NLGN2: variants seen among roughly 807,000 people sequenced by gnomAD.
NLGN2 encodes neuroligin-2.
Under a neutral mutation model 48.6 loss-of-function variants are expected in NLGN2, and 11 were observed. That is an observed-to-expected ratio of 0.23 (90% CI 0.14 to 0.37). The LOEUF (loss-of-function observed/expected upper bound fraction) is 0.37, where lower values mean the gene tolerates loss of function less well. NLGN2 is among the 10% of genes least tolerant of loss of function. NLGN2 has a pLI of 1.00. For synonymous variants in NLGN2, 548 were observed against 550.0 expected, an observed-to-expected ratio of 1.00 and a Z score of 0.05; for missense variants, 801 against 1,225.2, an observed-to-expected ratio of 0.65 and a Z score of 5.17.
chr17:7,406,203 T>C (rs180811443), upstream of NLGN2, among the ~76,000 whole-genome samples: 26 of 151,352 alleles, frequency 1.7e-4, no homozygotes, highest in Admixed American at 5.3e-4. Context: ...AGGCAAGAGC[T>C]GGGGCAAGCT....
Position 7,414,975 on chromosome 17 carries a change from C to T in NLGN2, c.864C>T (p.Ile288=), listed in dbSNP as rs781335217. The change falls in exon 5 of 7, where the codon ATC becomes ATT. Residue 288 remains isoleucine (I), a synonymous_variant. Transcript: ENST00000302926. Reference sequence around the variant, plus strand: ...CGCCAGGGCTGTTCCAGAAGGCCATCGCCCAGAGTGGCACCGCCATTTCCA... The same window carrying T: ...CGCCAGGGCTGTTCCAGAAGGCCATTGCCCAGAGTGGCACCGCCATTTCCA... The part of the protein sequence containing the change: ...HHSEGLFQKA[I]AQSGTAISSW... 13 of 1,612,288 alleles carry T rather than the reference C, an allele frequency of 8.1e-6. No homozygotes were observed. The highest frequency in any genetic ancestry group is 4.0e-5 in the African/African-American group (3 of 74,948).
rs1458668361 is a variant in NLGN2 at position 7,415,887 on chromosome 17, G to A, written c.1414G>A (p.Ala472Thr). The A allele has an allele frequency of 1.2e-6, 2 of 1,610,230 alleles. No homozygotes were observed. Among genetic ancestry groups the A allele is most frequent in the Non-Finnish European group, 1.7e-6 (2 of 1,177,264 alleles). Residue 472 changes from alanine (A) to threonine (T), a missense_variant, in exon 6 of 7, where the codon GCC (alanine) becomes ACC (threonine). Physicochemically the swap from Ala to Thr is moderately conservative, Grantham distance 58. Transcript: ENST00000302926. ...AGCTGTGGCCACTGCCAAGCTGCACGCCGACTACCAGTCTCCCGTCTACTT... is the reference window on the plus strand; with the variant it reads ...AGCTGTGGCCACTGCCAAGCTGCACACCGACTACCAGTCTCCCGTCTACTT... ...APAVATAKLH[A>T]DYQSPVYFYT...
At chr17:7,410,671 G>T (rs1255206303) in intron 1 of NLGN2, among the ~76,000 whole-genome samples, 1 of 152,052 alleles carries the variant, frequency 6.6e-6, no homozygotes, top group African/African-American at 2.4e-5. Flanking sequence ...CCACACAGTT[G>T]TCCACCCCTG....
rs374742468 is a variant in NLGN2 at position 7,415,272 on chromosome 17, C to G, written c.1037+124C>G. The G allele has an allele frequency of 1.1e-5, 10 of 944,746 alleles. 1 individual carries two copies. The African/African-American group carries it at 1.6e-4, about 15-fold the overall frequency. The allele number at this position is 944,746 out of a possible 1,614,324, so 58.5% of individuals were successfully genotyped here. A position where few individuals can be genotyped will look rare whatever the true frequency, so the allele number is the denominator to read the frequency against. On this transcript the variant is annotated intron_variant, in intron 5 of 6. Coordinates refer to ENST00000302926, the MANE Select transcript of NLGN2 (RefSeq NM_020795.4). ...CTTCTGGCCCCCAGTAAGTGGCCTC[C>G]TCTTGCAAGCCTTCCTTCAGTGGAG...
chr17:7,410,815 C>A (rs570729094), intron 1 of NLGN2, among the ~76,000 whole-genome samples: 1 of 150,998 alleles, frequency 6.6e-6, no homozygotes, highest in South Asian at 2.1e-4. Context: ...TTGACTCAGG[C>A]GCGCGCGCGC....
rs754581677 is a variant in NLGN2 at position 7,417,455 on chromosome 17, G to A, written c.2164G>A (p.Val722Met). The A allele has an allele frequency of 2.2e-5, 35 of 1,565,486 alleles. No individual in the cohort carries two copies. Among genetic ancestry groups the A allele is most frequent in the Non-Finnish European group, 2.8e-5 (32 of 1,159,216 alleles). Residue 722 changes from valine to methionine, a missense_variant, in exon 7 of 7, where the codon GTG becomes ATG. Transcript: ENST00000302926. ...CCCACCTGGCGGCTCAGGCTCTGGC[G>A]TGCCTGGTGGGGGCCCCCTGCTCCC... Reference protein sequence around the residue: ...LSPPGGSGSGVPGGGPLLPAA... With the variant: ...LSPPGGSGSGMPGGGPLLPAA...
Position 7,417,657 on chromosome 17 carries a change from C to T in NLGN2, c.2366C>T (p.Thr789Ile). The change falls in exon 7 of 7, where the codon ACC becomes ATC. Residue 789 changes from threonine (T) to isoleucine (I), a missense_variant. Thr to Ile is a moderately conservative substitution (Grantham distance 89, BLOSUM62 -1). Around this residue, in one of 5 missense-constraint regions of NLGN2, gnomAD observed 276 missense variants for 313.9 expected, o/e 0.88. Coordinates refer to ENST00000302926, the MANE Select transcript of NLGN2 (RefSeq NM_020795.4). ...DVPLLAPGAL[T>I]LLPSGLGPPP... ...CCTCTCTTGGCCCCCGGGGCCCTGA[C>T]CCTGCTGCCCAGTGGCCTGGGGCCA... 7.2e-6 allele frequency: 10 copies of T among 1,395,440 alleles called. No homozygotes were observed. The highest frequency in any genetic ancestry group is 9.2e-6 in the Non-Finnish European group (10 of 1,083,282). 86.4% of individuals were successfully genotyped at this position (1,395,440 alleles called of 1,614,324 possible).
rs1001543588 is a variant in NLGN2 at position 7,408,221 on chromosome 17, G to T, written c.-35G>T. ...CTTCTCTCTCTCTCCGAGGGGGGGG[G>T]GTCCCAGGGAGGGAGGGGGGGTCCC... is the stretch of plus-strand genomic sequence containing the variant. On this transcript the variant is annotated 5_prime_UTR_variant, in exon 1 of 7. Transcript: ENST00000302926. This position sits in a 1 kb window ranked among gnomAD's most constrained non-coding sequence, Gnocchi z 7.5. 16 of 1,139,964 alleles carry T rather than the reference G, an allele frequency of 1.4e-5. No individual in the cohort carries two copies. Among genetic ancestry groups the T allele is most frequent in the Non-Finnish European group, 1.8e-5 (16 of 882,078 alleles). 70.6% of individuals were successfully genotyped at this position (1,139,964 alleles called of 1,614,324 possible).
chr17:7,417,441 G>A lies in NLGN2; in HGVS notation c.2150G>A (p.Gly717Asp), dbSNP rs758976975. The part of the protein sequence containing the change: ...LRCRRLSPPG[G>D]SGSGVPGGGP... Reference sequence around the variant, plus strand: ...TGCAGGCGGCTTAGCCCACCTGGCGGCTCAGGCTCTGGCGTGCCTGGTGGG... The same window carrying A: ...TGCAGGCGGCTTAGCCCACCTGGCGACTCAGGCTCTGGCGTGCCTGGTGGG... The change falls in exon 7 of 7, where the codon GGC becomes GAC. Residue 717 changes from glycine (G) to aspartate (D), a missense_variant. Gly to Asp is a moderately conservative substitution (Grantham distance 94). This residue lies in a region of NLGN2 where 276 missense variants were observed against 313.9 expected (regional missense o/e 0.88). Transcript: ENST00000302926. 1 of 1,592,484 alleles carries A rather than the reference G, an allele frequency of 6.3e-7. No homozygotes were observed.
chr17:7,417,736 C>T lies in NLGN2; in HGVS notation c.2445C>T (p.Pro815=), dbSNP rs1481592683. The T allele has an allele frequency of 1.7e-6, 2 of 1,182,058 alleles. No individual in the cohort carries two copies. The highest frequency in any genetic ancestry group is 2.2e-6 in the Non-Finnish European group (2 of 903,114). 73.2% of individuals were successfully genotyped at this position (1,182,058 alleles called of 1,614,324 possible). A position where few individuals can be genotyped will look rare whatever the true frequency, so the allele number is the denominator to read the frequency against. ...ATCCCTTCGGGCCCTTCCCCCCGCC[C>T]CCTCCCACCGCCACCAGCCACAACA... is the stretch of plus-strand genomic sequence containing the variant. ...SLHPFGPFPP[P]PPTATSHNNT... is the part of the protein sequence containing the mutation. Residue 815 remains proline (P), a synonymous_variant, in exon 7 of 7, where the codon CCC becomes CCT. Transcript: ENST00000302926.
In NLGN2 at chr17:7,416,016, G is replaced by A. The variant is rs140489941; in HGVS notation, c.1543G>A (p.Ala515Thr). 12 of 1,613,904 alleles carry A rather than the reference G, an allele frequency of 7.4e-6. No homozygotes were observed. The African/African-American group carries it at 1.6e-4, about 22-fold the overall frequency. Residue 515 changes from alanine (A) to threonine (T), a missense_variant, in exon 6 of 7, where the codon GCC (alanine) becomes ACC (threonine). Ala to Thr is a moderately conservative substitution (Grantham distance 58). Transcript: ENST00000302926. Reference sequence around the variant, plus strand: ...TGTCTTTGGCGTGCCCATGGTGGGTGCCACCGACCTCTTCCCCTGTAACTT... The same window carrying A: ...TGTCTTTGGCGTGCCCATGGTGGGTACCACCGACCTCTTCCCCTGTAACTT... ...PYVFGVPMVG[A>T]TDLFPCNFSK...
At position 7,413,217 on chromosome 17, in the gene NLGN2, G is replaced by T. The variant is rs949050734; in HGVS notation, c.508+1010G>T. 1.3e-5 allele frequency among the ~76,000 whole-genome samples: 2 copies of T among 152,244 alleles called. No individual in the cohort carries two copies. Among genetic ancestry groups the T allele is most frequent in the African/African-American group, 4.8e-5 (2 of 41,464 alleles). ...TCAGGAGCATGGGGGCTGCACAGGG[G>T]GTCTTAGGGATGGGAGGCAGGAAGC... On this transcript the variant is annotated intron_variant, in intron 2 of 6. Coordinates refer to ENST00000302926, the MANE Select transcript of NLGN2 (RefSeq NM_020795.4). This position sits in a 1 kb window ranked among gnomAD's most constrained non-coding sequence, Gnocchi z 4.9.
chr17:7,414,308 A>G, intron 2 of NLGN2, 36 bp from the exon 3 acceptor site: 3 of 1,455,462 alleles, frequency 2.1e-6, no homozygotes, highest in Non-Finnish European at 2.8e-6. Context: ...CTTGTCCCTG[A>G]CCCCCTGGCC....
chr17:7,412,090 TC>T, intron 1 of NLGN2, 66 bp from the exon 2 acceptor site: 11 of 234,116 alleles, frequency 4.7e-5, no homozygotes, highest in African/African-American at 1.1e-4. Context: ...ATCCACCACC[TC>T]CCCCCGACCC....
chr17:7,415,493 C>CT lies in NLGN2; in HGVS notation c.1038-17dup, dbSNP rs1180133196. The CT allele has an allele frequency of 1.2e-5, 20 of 1,609,360 alleles. 1 individual carries two copies. Among genetic ancestry groups the CT allele is most frequent in the Non-Finnish European group, 1.7e-5 (20 of 1,175,672 alleles). ...AGGCCAGTGAGCAGGTGGTGAGACC[C>CT]TGACCCCTTCTCCCCAGCTACCACA... On this transcript the variant is annotated splice_polypyrimidine_tract_variant and intron_variant, in intron 5 of 6. Coordinates refer to ENST00000302926, the MANE Select transcript of NLGN2 (RefSeq NM_020795.4).
chr17:7,411,670 G>A lies in NLGN2; in HGVS notation c.458-487G>A, dbSNP rs545606501. ...TCCTCCCTACAGCCTTGTGGGGGGC[G>A]GCAGGCAGGTGCTTCGCTGGCCCTG... On this transcript the variant is annotated intron_variant, in intron 1 of 6. Coordinates refer to ENST00000302926, the MANE Select transcript of NLGN2 (RefSeq NM_020795.4). The surrounding 1 kb of genome is among the most constrained non-coding windows in gnomAD (Gnocchi z 4.5). Among the ~76,000 whole-genome samples the A allele has an allele frequency of 3.3e-5, 5 of 152,288 alleles. No homozygotes were observed. The highest frequency in any genetic ancestry group is 2.1e-4 in the South Asian group (1 of 4,834).
upstream of NLGN2, among the ~76,000 whole-genome samples, chr17:7,407,591 C>A (rs1906696043): frequency 6.6e-6 from 1 of 152,138 alleles, no homozygotes; most frequent in South Asian, 2.1e-4. Flanking sequence ...TTTTCTCTTC[C>A]TTGTCTACCT....
Position 7,415,518 on chromosome 17 carries a change from A to G in NLGN2, c.1045A>G (p.Ile349Val), listed in dbSNP as rs1907064531. The part of the protein sequence containing the change: ...DQDVQPARYH[I>V]AFGPVVDGDV... ...CTGACCCCTTCTCCCCAGCTACCAC[A>G]TCGCCTTTGGGCCCGTGGTGGATGG... Residue 349 changes from isoleucine to valine, a missense_variant, in exon 6 of 7, where the codon ATC (isoleucine) becomes GTC (valine). Around this residue, in one of 5 missense-constraint regions of NLGN2, gnomAD observed 303 missense variants for 600.1 expected, o/e 0.50. Coordinates refer to ENST00000302926, the MANE Select transcript of NLGN2 (RefSeq NM_020795.4). The G allele has an allele frequency of 1.2e-6, 2 of 1,614,102 alleles. No individual in the cohort carries two copies. The highest frequency in any genetic ancestry group is 1.7e-6 in the Non-Finnish European group (2 of 1,179,920).
chr17:7,409,455 C>T (rs1252792489), intron 1 of NLGN2, among the ~76,000 whole-genome samples: 1 of 152,062 alleles, frequency 6.6e-6, no homozygotes, highest in Non-Finnish European at 1.5e-5. Context: ...CTCCACCCTC[C>T]ATCCTCAGCA....
Sources: gnomAD v4.1 joint callset for allele counts (sites outside exome capture counted in the v4.1 genomes callset) on GRCh38, gnomAD v4.1.1 for gene constraint, gnomAD v4.1.1 regional missense constraint, Gnocchi (gnomAD v3.1) non-coding constraint, MANE v1.5 for transcripts, NCBI Gene and HGNC (gene_info 2026-07-23, HGNC 2026-07-21) for gene names.